The following UNC13C variants were observed in gnomAD, a reference collection of about 807,000 sequenced individuals.
UNC13C encodes unc-13 homolog C, also known as protein unc-13 homolog C.
UNC13C carries 174 observed loss-of-function variants against 245.4 expected under a neutral mutation model. The ratio of observed to expected loss-of-function variants is 0.71; its 90% CI spans 0.63 to 0.80. The LOEUF (loss-of-function observed/expected upper bound fraction) is 0.80. Among genes scored for constraint, UNC13C ranks in the 30% least tolerant of loss-of-function variants. UNC13C has a pLI of 0.00. For missense variants in UNC13C, 2,829 were observed against 2,602.9 expected (o/e 1.09, Z -1.89); for synonymous variants, 992 against 895.1 (o/e 1.11, Z -1.93).
chr15:53,885,374 TC>T, the UNC13C span, among the ~76,000 whole-genome samples: 1 of 152,184 alleles, frequency 6.6e-6, no homozygotes, highest in African/African-American at 2.4e-5. Flanking sequence ...GGCTGACTTC[TC>T]CTTTAAAGAC....
chr15:54,174,452 A>G (rs186813580), intron 4 of UNC13C, among the ~76,000 whole-genome samples: 4 of 152,212 alleles, frequency 2.6e-5, no homozygotes, highest in Middle Eastern at 3.4e-3. Flanking sequence ...TTAATTTTTA[A>G]TGATAATTGT....
At chr15:53,891,974 G>C in the UNC13C span, among the ~76,000 whole-genome samples, 3 of 152,170 alleles carry the variant, frequency 2.0e-5, no homozygotes, top group African/African-American at 7.2e-5. Flanking sequence ...TTTACAATTT[G>C]GTATGTTTTT....
Position 54,460,412 on chromosome 15 carries a change from C to T in UNC13C, c.4934-34196C>T, listed in dbSNP as rs1440454139. On this transcript the variant is annotated intron_variant, in intron 19 of 32. Coordinates refer to ENST00000260323, the MANE Select transcript of UNC13C (RefSeq NM_001080534.3). ...GCTGTCACTTCAACAGACTCAGGAC[C>T]TCTGATTAGCCAGGTTATTGCTGGC... 2.0e-5 allele frequency among the ~76,000 whole-genome samples: 3 copies of T among 152,198 alleles called. No homozygotes were observed. In the East Asian group the frequency reaches 5.8e-4, roughly 29 times the overall value.
intron 2 of UNC13C, among the ~76,000 whole-genome samples, chr15:54,029,824 G>C (rs555656414): frequency 6.6e-6 from 1 of 152,216 alleles, no homozygotes; most frequent in Non-Finnish European, 1.5e-5. Context: ...CTGCAGCTCC[G>C]GTGGACCAGA....
At chr15:54,476,658 A>G (rs1351950328) in intron 19 of UNC13C, among the ~76,000 whole-genome samples, 2 of 151,562 alleles carry the variant, frequency 1.3e-5, no homozygotes, top group African/African-American at 4.9e-5. Context: ...GTTCTGTTCC[A>G]TTGATCTATA....
intron 30 of UNC13C, among the ~76,000 whole-genome samples, chr15:54,604,869 G>A (rs886156960): frequency 6.6e-6 from 1 of 152,176 alleles, no homozygotes; most frequent in African/African-American, 2.4e-5. Flanking sequence ...AAAATGTAGA[G>A]TCTAAAACCT....
chr15:54,250,557 C>A, intron 8 of UNC13C, 113 bp downstream of exon 8: 1 of 895,436 alleles, frequency 1.1e-6, no homozygotes. Context: ...ACCCGCTCCC[C>A]TCCCACCACT....
chr15:54,287,445 A>C (rs939690153), intron 10 of UNC13C, among the ~76,000 whole-genome samples: 1 of 152,212 alleles, frequency 6.6e-6, no homozygotes, highest in Non-Finnish European at 1.5e-5. Context: ...TTCCTACTTG[A>C]TCCAATCAGA....
intron 2 of UNC13C, among the ~76,000 whole-genome samples, chr15:54,030,660 G>T (rs924435799): frequency 3.3e-5 from 5 of 152,078 alleles, no homozygotes; most frequent in African/African-American, 9.7e-5. Flanking sequence ...ATAAAGAATA[G>T]AAATTTATTT....
chr15:54,408,028 C>T (rs1336861554), intron 18 of UNC13C, among the ~76,000 whole-genome samples: 8 of 151,274 alleles, frequency 5.3e-5, no homozygotes, highest in Middle Eastern at 3.4e-3. Flanking sequence ...GGTGAAACTC[C>T]GTCTCTACTA....
intron 30 of UNC13C, among the ~76,000 whole-genome samples, chr15:54,580,717 T>C (rs747125896): frequency 6.6e-6 from 1 of 152,242 alleles, no homozygotes; most frequent in Non-Finnish European, 1.5e-5. Context: ...CATCATTAGA[T>C]GTGCTCTGTC....
Position 54,036,493 on chromosome 15 carries a change from G to A in UNC13C, c.2983+20607G>A, listed in dbSNP as rs575182516. Among the ~76,000 whole-genome samples, 10 of 152,176 alleles carry A rather than the reference G, an allele frequency of 6.6e-5. No individual in the cohort carries two copies. The South Asian group carries it at 1.9e-3, about 29-fold the overall frequency. ...ACTTAACGCGCTCAAAAGTCGTTCT[G>A]TCTCAGTTCTTCAGAAACTTCTTTT... On this transcript the variant is annotated intron_variant, in intron 2 of 32. Coordinates refer to ENST00000260323, the MANE Select transcript of UNC13C (RefSeq NM_001080534.3).
chr15:54,238,319 T>C (rs1404616998), intron 7 of UNC13C, among the ~76,000 whole-genome samples: 1 of 152,070 alleles, frequency 6.6e-6, no homozygotes, highest in Non-Finnish European at 1.5e-5. Flanking sequence ...ATGATCTGCC[T>C]GCCTTGGCCT....
At chr15:54,538,740 C>T (rs1896111995) in intron 26 of UNC13C, among the ~76,000 whole-genome samples, 1 of 150,808 alleles carries the variant, frequency 6.6e-6, no homozygotes, top group African/African-American at 2.5e-5. Context: ...TGAACTAACA[C>T]GGGAACAGGA....
chr15:53,868,681 G>C, the UNC13C span, among the ~76,000 whole-genome samples: 1 of 152,172 alleles, frequency 6.6e-6, no homozygotes, highest in African/African-American at 2.4e-5. Context: ...CCTTAAAGAA[G>C]TAAAAATGAC....
At chr15:54,215,905 A>G (rs79663993) in intron 4 of UNC13C, among the ~76,000 whole-genome samples, 34 of 152,094 alleles carry the variant, frequency 2.2e-4, no homozygotes, top group African/African-American at 8.2e-4. Flanking sequence ...CTAAATACCT[A>G]CAGAAGATAG....
intron 4 of UNC13C, among the ~76,000 whole-genome samples, chr15:54,208,627 T>C (rs1434487568): frequency 6.6e-6 from 1 of 152,030 alleles, no homozygotes; most frequent in Non-Finnish European, 1.5e-5. Flanking sequence ...ATGATGGTCA[T>C]AAGAACTATG....
chr15:54,024,039 CA>C (rs1896004600), intron 2 of UNC13C, among the ~76,000 whole-genome samples: 1 of 152,098 alleles, frequency 6.6e-6, no homozygotes, highest in African/African-American at 2.4e-5. Context: ...TGTAAGATAG[CA>C]AAGGATAGCC....
At chr15:53,917,176 G>C in the UNC13C span, among the ~76,000 whole-genome samples, 1 of 152,068 alleles carries the variant, frequency 6.6e-6, no homozygotes, top group Non-Finnish European at 1.5e-5. Context: ...TATCACTATG[G>C]GTTATAACAG....
Sources: allele counts gnomAD v4.1 joint callset (sites outside exome capture counted in the v4.1 genomes callset), GRCh38; gene constraint gnomAD v4.1.1; transcripts MANE v1.5; gene names NCBI Gene and HGNC (gene_info 2026-07-23, HGNC 2026-07-21).